DLGAP2: variants seen among roughly 807,000 people sequenced by gnomAD.
DLGAP2 encodes DLG associated protein 2, also known as disks large-associated protein 2.
A neutral mutation model predicts 100.3 loss-of-function variants in DLGAP2; 26 were observed. The ratio of observed to expected loss-of-function variants is 0.26; its 90% confidence interval spans 0.19 to 0.36. The LOEUF is 0.36. Among genes scored for constraint, DLGAP2 ranks in the 10% least tolerant of loss-of-function variants. The probability of loss-of-function intolerance (pLI) is 1.00; values close to 1 mark genes in which losing one functional copy is unlikely to be tolerated. For synonymous variants in DLGAP2, 886 were observed against 630.1 expected (o/e 1.41, Z -6.08); for missense variants, 1,858 against 1,453.2 (o/e 1.28, Z -4.53).
rs896949124 is a variant in DLGAP2 at position 1,371,287 on chromosome 8, T to C, written c.106+112404T>C. 2.0e-5 allele frequency among the ~76,000 whole-genome samples: 3 copies of C among 152,360 alleles called. No individual in the cohort carries two copies. In the East Asian group the frequency reaches 5.8e-4, roughly 29 times the overall value. On this transcript the variant is annotated intron_variant, in intron 3 of 14. Coordinates refer to ENST00000637795, the MANE Select transcript of DLGAP2 (RefSeq NM_001346810.2). ...AGCCGTAAGCCTTTCATTCGGCCTC[T>C]ATTTCTAGTAACTCACTCATTTCCT...
chr8:1,337,523 T>C lies in DLGAP2; in HGVS notation c.106+78640T>C, dbSNP rs940289354. Among the ~76,000 whole-genome samples the C allele has an allele frequency of 2.8e-4, 41 of 148,774 alleles. No homozygotes were observed. In the East Asian group the frequency reaches 7.5e-3, roughly 27 times the overall value. On this transcript the variant is annotated intron_variant, in intron 3 of 14. Coordinates refer to ENST00000637795, the MANE Select transcript of DLGAP2 (RefSeq NM_001346810.2). ...ATGAGGATGATGATGGTGATGCTGA[T>C]GATAGTGATGATGATGATGATGATC...
chr8:1,672,573 G>C (rs962260445), intron 10 of DLGAP2, among the ~76,000 whole-genome samples: 5 of 152,202 alleles, frequency 3.3e-5, no homozygotes, highest in African/African-American at 1.2e-4. Context: ...TTGTGAGAAG[G>C]CAGGGGCAGC....
At position 1,418,969 on chromosome 8, in the gene DLGAP2, A is replaced by G. The variant is rs1424840089; in HGVS notation, c.107-82397A>G. Among the ~76,000 whole-genome samples, 9 of 152,144 alleles carry G rather than the reference A, an allele frequency of 5.9e-5. No individual in the cohort carries two copies. In the South Asian group the frequency reaches 1.7e-3, roughly 28 times the overall value. On this transcript the variant is annotated intron_variant, in intron 3 of 14. Coordinates refer to ENST00000637795, the MANE Select transcript of DLGAP2 (RefSeq NM_001346810.2). The stretch of plus-strand genomic sequence containing the variant: ...CACTTTACTTGTGTTTACCCACACT[A>G]TGTAAATGCTCCCACTCAGGCACAG...
Position 1,450,704 on chromosome 8 carries a change from C to G in DLGAP2, c.107-50662C>G, listed in dbSNP as rs1798135068. 2.6e-5 allele frequency among the ~76,000 whole-genome samples: 4 copies of G among 152,188 alleles called. No homozygotes were observed. The South Asian group carries it at 8.3e-4, about 32-fold the overall frequency. On this transcript the variant is annotated intron_variant, in intron 3 of 14. Transcript: ENST00000637795. ...TCTAAATGGCCTATGTCCCCAGGGC[C>G]TTGGGATGAGGAGGGGGCCAAGCGA...
chr8:1,118,665 C>T (rs73670445), intron 2 of DLGAP2, among the ~76,000 whole-genome samples: 5,824 of 152,190 alleles, frequency 0.038, 358 homozygotes, highest in African/African-American at 0.13. Flanking sequence ...TTTGTCAGTG[C>T]TTAGAGCAAC....
At chr8:1,663,368 T>C (rs1003221599) in intron 8 of DLGAP2, among the ~76,000 whole-genome samples, 1 of 152,074 alleles carries the variant, frequency 6.6e-6, no homozygotes, top group South Asian at 2.1e-4. Flanking sequence ...CCAGTGCTGT[T>C]TGGGGACCCG....
intron 1 of DLGAP2, among the ~76,000 whole-genome samples, chr8:741,910 G>T (rs1307474694): frequency 6.6e-6 from 1 of 152,240 alleles, no homozygotes; most frequent in Non-Finnish European, 1.5e-5. Context: ...TGTGGCATCA[G>T]TGCACAGCCT....
At chr8:1,122,579 A>C (rs1796073759) in intron 2 of DLGAP2, among the ~76,000 whole-genome samples, 1 of 152,152 alleles carries the variant, frequency 6.6e-6, no homozygotes, top group South Asian at 2.1e-4. Context: ...TTGGTGATTT[A>C]TGTACATTTT....
At chr8:970,429 T>C (rs1799984100) in intron 2 of DLGAP2, among the ~76,000 whole-genome samples, 1 of 152,234 alleles carries the variant, frequency 6.6e-6, no homozygotes. Flanking sequence ...TCAACGTTTA[T>C]CAGCCCACCA....
At chr8:1,074,127 T>TA (rs1475280571) in intron 2 of DLGAP2, among the ~76,000 whole-genome samples, 1 of 138,668 alleles carries the variant, frequency 7.2e-6, no homozygotes, top group Non-Finnish European at 1.5e-5. Flanking sequence ...CACAGAAGGG[T>TA]TTGCAGCAGA....
At chr8:1,148,974 T>A (rs1209096616) in intron 2 of DLGAP2, among the ~76,000 whole-genome samples, 1 of 152,204 alleles carries the variant, frequency 6.6e-6, no homozygotes, top group Non-Finnish European at 1.5e-5. Context: ...AATCTTATAT[T>A]TTCGGATTAA....
chr8:1,507,120 G>A (rs528383903), intron 4 of DLGAP2, among the ~76,000 whole-genome samples: 7 of 152,342 alleles, frequency 4.6e-5, no homozygotes, highest in African/African-American at 7.2e-5. Flanking sequence ...CGGATCCTGC[G>A]CTGGGGCCAC....
intron 5 of DLGAP2, 138 bp downstream of exon 5, chr8:1,549,821 C>G: frequency 9.8e-7 from 1 of 1,015,636 alleles, no homozygotes; most frequent in Non-Finnish European, 1.4e-6. Context: ...CGGATATGTT[C>G]TGGGACAGCT....
intron 2 of DLGAP2, among the ~76,000 whole-genome samples, chr8:1,222,037 C>G (rs747336123): frequency 1.3e-5 from 2 of 152,198 alleles, no homozygotes; most frequent in Non-Finnish European, 2.9e-5. Flanking sequence ...CATTCTGAAT[C>G]TTGAGCTTCT....
intron 6 of DLGAP2, among the ~76,000 whole-genome samples, chr8:1,603,481 T>C (rs1319412810): frequency 3.3e-5 from 5 of 151,564 alleles, no homozygotes; most frequent in African/African-American, 1.2e-4. Context: ...AGAGGCTGGT[T>C]AGAGTGGAGG....
At chr8:1,136,963 C>T (rs1796427678) in intron 2 of DLGAP2, among the ~76,000 whole-genome samples, 1 of 152,360 alleles carries the variant, frequency 6.6e-6, no homozygotes, top group Non-Finnish European at 1.5e-5. Context: ...GTCTGAAAAA[C>T]TGTAATCCTG....
intron 1 of DLGAP2, among the ~76,000 whole-genome samples, chr8:825,578 C>T (rs1188641506): frequency 2.0e-5 from 3 of 152,214 alleles, no homozygotes; most frequent in Non-Finnish European, 4.4e-5. Context: ...TCATCCCTCT[C>T]ATTCCAGATG....
At chr8:1,382,345 G>C (rs1299254666) in intron 3 of DLGAP2, among the ~76,000 whole-genome samples, 3 of 152,256 alleles carry the variant, frequency 2.0e-5, no homozygotes, top group African/African-American at 7.2e-5. Flanking sequence ...CACAGTCTCA[G>C]GGTGGCAGAG....
chr8:1,107,284 G>C (rs1804807519), intron 2 of DLGAP2, among the ~76,000 whole-genome samples: 1 of 152,178 alleles, frequency 6.6e-6, no homozygotes, highest in African/African-American at 2.4e-5. Flanking sequence ...GGGTGACTGA[G>C]TGCTTTCTAG....
Sources: gnomAD v4.1 joint callset for allele counts (sites outside exome capture counted in the v4.1 genomes callset) on GRCh38, gnomAD v4.1.1 for gene constraint, MANE v1.5 for transcripts, NCBI Gene and HGNC (gene_info 2026-07-23, HGNC 2026-07-21) for gene names.